The following IL33 variants were observed in gnomAD, a reference collection of about 807,000 sequenced individuals.
IL33 encodes interleukin-33.
In IL33, 37 loss-of-function variants were observed where a neutral mutation model predicts 27.3. The observed-to-expected ratio is 1.36, with a 90% CI of 1.04 to 1.78. The LOEUF (loss-of-function observed/expected upper bound fraction) is 1.78, where lower values mean the gene tolerates loss of function less well. Ranked by LOEUF, IL33 falls within the 40% of genes most tolerant of loss-of-function variation. IL33 has a pLI of 0.00. For missense variants in IL33, 406 were observed against 311.4 expected, an observed-to-expected ratio of 1.30 and a Z score of -2.29; for synonymous variants, 132 against 102.9, an observed-to-expected ratio of 1.28 and a Z score of -1.71.
chr9:6,230,580 C>T (rs1211005693), intron 1 of IL33, among the ~76,000 whole-genome samples: 6 of 152,218 alleles, frequency 3.9e-5, no homozygotes, highest in African/African-American at 1.4e-4. Flanking sequence ...TCCTCCACTT[C>T]TGCCCCTTTG....
In IL33 at chr9:6,239,733, C is replaced by T. The variant is rs1371180506; in HGVS notation, c.-11-1951C>T. On this transcript the variant is annotated intron_variant, in intron 1 of 7. Coordinates refer to ENST00000682010, the MANE Select transcript of IL33 (RefSeq NM_033439.4). ...CAAGAACTCCGGGTGGCATCCCAGA[C>T]AATGAGGCCTATTTCAATGCTATCA... 7.9e-5 allele frequency among the ~76,000 whole-genome samples: 12 copies of T among 152,138 alleles called. No individual in the cohort carries two copies. The East Asian group carries it at 2.3e-3, about 29-fold the overall frequency.
intron 1 of IL33, among the ~76,000 whole-genome samples, chr9:6,229,208 AC>A (rs1245379772): frequency 6.6e-6 from 1 of 152,120 alleles, no homozygotes; most frequent in Non-Finnish European, 1.5e-5. Context: ...GGAAACTGAG[AC>A]CTGGAGAGCT....
At chr9:6,221,429 C>T (rs778684674) in intron 1 of IL33, among the ~76,000 whole-genome samples, 22 of 152,190 alleles carry the variant, frequency 1.4e-4, no homozygotes, top group Non-Finnish European at 2.9e-4. Flanking sequence ...ATTATTACTA[C>T]TTTCCATTAT....
At chr9:6,221,570 C>A (rs2130097037) in intron 1 of IL33, among the ~76,000 whole-genome samples, 1 of 152,232 alleles carries the variant, frequency 6.6e-6, no homozygotes, top group African/African-American at 2.4e-5. Context: ...TTTCTTAATT[C>A]ATAAAAGTAT....
At chr9:6,223,462 A>AT (rs1168373951) in intron 1 of IL33, among the ~76,000 whole-genome samples, 3 of 151,572 alleles carry the variant, frequency 2.0e-5, no homozygotes, top group African/African-American at 7.2e-5. Flanking sequence ...TATTTTTTCT[A>AT]TTTTTTGATA....
At chr9:6,215,292 G>T (rs903195889), upstream of IL33, among the ~76,000 whole-genome samples, 1 of 152,150 alleles carries the variant, frequency 6.6e-6, no homozygotes, top group African/African-American at 2.4e-5. Flanking sequence ...GAGATGAATA[G>T]AAAGAAAAGA....
rs1160568144 is a variant in IL33 at position 6,256,875 on chromosome 9, C to A, written c.*707C>A. ...TTCTAATTGTTTAATTTTTAAAATT[C>A]TGATTTTTATATATTGAGTTTAAGC... On this transcript the variant is annotated 3_prime_UTR_variant, in exon 8 of 8. Coordinates refer to ENST00000682010, the MANE Select transcript of IL33 (RefSeq NM_033439.4). The A allele has an allele frequency of 6.6e-6, 1 of 151,978 alleles. No homozygotes were observed. Among genetic ancestry groups the A allele is most frequent in the East Asian group, 1.9e-4 (1 of 5,192 alleles). 9.4% of individuals were successfully genotyped at this position (151,978 alleles called of 1,614,324 possible). A position where few individuals can be genotyped will look rare whatever the true frequency, so the allele number is the denominator to read the frequency against.
intron 1 of IL33, among the ~76,000 whole-genome samples, chr9:6,219,208 G>A (rs748905464): frequency 2.2e-4 from 33 of 151,808 alleles, no homozygotes; most frequent in Non-Finnish European, 2.8e-4. Context: ...CAAAATGATT[G>A]GGTTGGGTTC....
chr9:6,225,998 G>A (rs972910515), intron 1 of IL33, among the ~76,000 whole-genome samples: 5 of 151,750 alleles, frequency 3.3e-5, no homozygotes, highest in African/African-American at 4.8e-5. Flanking sequence ...ATGAAGATGT[G>A]GATTTTTCTT....
chr9:6,246,574 T>C (rs891505488), intron 2 of IL33, among the ~76,000 whole-genome samples: 1 of 150,130 alleles, frequency 6.7e-6, no homozygotes, highest in East Asian at 1.9e-4. Flanking sequence ...AAAATAAAAA[T>C]AAAAAAAAAG....
rs189733761 is a variant in IL33 at position 6,240,091 on chromosome 9, C to T, written c.-11-1593C>T. On this transcript the variant is annotated intron_variant, in intron 1 of 7. Transcript: ENST00000682010. ...ACAAAACAGTCTCAGAACTTCAGTA[C>T]CAGTATTTCCACTATCTACAAAAAG... Among the ~76,000 whole-genome samples, 169 of 152,232 alleles carry T rather than the reference C, an allele frequency of 1.1e-3. 1 individual carries two copies. The Middle Eastern group carries it at 0.014, about 12-fold the overall frequency.
intron 2 of IL33, among the ~76,000 whole-genome samples, chr9:6,249,376 T>C (rs1338872670): frequency 1.3e-5 from 2 of 152,202 alleles, no homozygotes; most frequent in East Asian, 3.8e-4. Flanking sequence ...CTAATTGAAA[T>C]TTGACTTCAT....
At chr9:6,220,156 CCATTG>C (rs1232815474) in intron 1 of IL33, among the ~76,000 whole-genome samples, 3 of 151,974 alleles carry the variant, frequency 2.0e-5, no homozygotes, top group Non-Finnish European at 4.4e-5. Context: ...TTTGCCATTC[CCATTG>C]CTATTTCCAG....
At chr9:6,218,595 C>T (rs72614080) in intron 1 of IL33, among the ~76,000 whole-genome samples, 12,653 of 143,676 alleles carry the variant, frequency 0.088, 833 homozygotes, top group East Asian at 0.29. Flanking sequence ...TATATATATG[C>T]ATATATATAT....
chr9:6,250,752 G>T (rs901068194), intron 3 of IL33, among the ~76,000 whole-genome samples, 153 bp downstream of exon 3: 3 of 152,070 alleles, frequency 2.0e-5, no homozygotes, highest in African/African-American at 7.2e-5. Context: ...TTTTAAAAGG[G>T]CATATAAAGA....
At chr9:6,222,264 A>G (rs970019609) in intron 1 of IL33, among the ~76,000 whole-genome samples, 3 of 152,194 alleles carry the variant, frequency 2.0e-5, no homozygotes, top group Admixed American at 2.0e-4. Flanking sequence ...TTCATCTAAC[A>G]ATGTTGTGTG....
At chr9:6,230,070 G>A (rs1818851622) in intron 1 of IL33, among the ~76,000 whole-genome samples, 1 of 152,144 alleles carries the variant, frequency 6.6e-6, no homozygotes, top group Non-Finnish European at 1.5e-5. Flanking sequence ...AGTATGGAGG[G>A]AGGGGTAAGT....
At chr9:6,242,126 T>C (rs1819561926) in intron 2 of IL33, 1 of 162,754 alleles carries the variant, frequency 6.1e-6, no homozygotes, top group African/African-American at 2.4e-5. Context: ...CCTGATAAAC[T>C]AGCAAACTTT....
In IL33 at chr9:6,241,670, T is replaced by C. The variant is rs1819535401; in HGVS notation, c.-11-14T>C. On this transcript the variant is annotated splice_polypyrimidine_tract_variant and intron_variant, in intron 1 of 7. Transcript: ENST00000682010. ...TTGAGACAAATGAACTAATATTATATTTTAATCCAACAGAATACTGAAAAA... is the reference window on the plus strand; with the variant it reads ...TTGAGACAAATGAACTAATATTATACTTTAATCCAACAGAATACTGAAAAA... 1 of 1,512,012 alleles carries C rather than the reference T, an allele frequency of 6.6e-7. No individual in the cohort carries two copies. Among genetic ancestry groups the C allele is most frequent in the Non-Finnish European group, 9.1e-7 (1 of 1,102,232 alleles). 93.7% of individuals were successfully genotyped at this position (1,512,012 alleles called of 1,614,324 possible).
Sources: gnomAD v4.1 joint callset for allele counts (sites outside exome capture counted in the v4.1 genomes callset) on GRCh38, gnomAD v4.1.1 for gene constraint, MANE v1.5 for transcripts, NCBI Gene and HGNC (gene_info 2026-07-23, HGNC 2026-07-21) for gene names.